WDHD1: variants seen among roughly 807,000 people sequenced by gnomAD.
WDHD1 encodes WD repeat and HMG-box DNA-binding protein 1.
A neutral mutation model predicts 135.4 loss-of-function variants in WDHD1; 111 were observed. The observed-to-expected ratio is 0.82, with a 90% CI of 0.70 to 0.96. The LOEUF is 0.96. Ranked by LOEUF, WDHD1 falls within the 40% of genes least tolerant of loss-of-function variation. The pLI, the probability that WDHD1 is intolerant of heterozygous loss-of-function variation, is 0.00. For synonymous variants in WDHD1, 434 were observed against 439.0 expected (o/e 0.99, Z 0.14); for missense variants, 1,351 against 1,336.3 (o/e 1.01, Z -0.17).
Position 55,002,079 on chromosome 14 carries a change from T to G in WDHD1, c.693+14A>C. ...CCTTATAGCCCACTGAAAGTGTCAC[T>G]TTGTAAAACCTACCTGAGAGATGAA... On this transcript the variant is annotated intron_variant, in intron 8 of 25. Coordinates refer to ENST00000360586, the MANE Select transcript of WDHD1 (RefSeq NM_007086.4). 4 of 1,586,840 alleles carry G rather than the reference T, an allele frequency of 2.5e-6. No homozygotes were observed. Among genetic ancestry groups the G allele is most frequent in the Non-Finnish European group, 3.4e-6 (4 of 1,162,488 alleles).
rs765025679 is a variant in WDHD1, at chr14:54,984,698, T to C, written c.1906+25A>G. On this transcript the variant is annotated intron_variant, in intron 15 of 25. Coordinates refer to ENST00000360586, the MANE Select transcript of WDHD1 (RefSeq NM_007086.4). The stretch of plus-strand genomic sequence containing the variant: ...TATCTAACACTTTATATTATACTTG[T>C]TTTTTTTAAACAAATTTATCTTGCC... 13 of 1,582,750 alleles carry C rather than the reference T, an allele frequency of 8.2e-6. No individual in the cohort carries two copies. In the South Asian group the frequency reaches 1.2e-4, roughly 14 times the overall value.
chr14:54,982,076 G>A (rs576526152), intron 15 of WDHD1, among the ~76,000 whole-genome samples: 2 of 151,498 alleles, frequency 1.3e-5, no homozygotes, highest in Non-Finnish European at 2.9e-5. Context: ...GCGCGATCTC[G>A]GCCCACTGCA....
Position 54,991,311 on chromosome 14 carries a change from T to A in WDHD1, c.1243A>T (p.Thr415Ser), listed in dbSNP as rs761267041. The A allele has an allele frequency of 6.2e-7, 1 of 1,614,158 alleles. No homozygotes were observed. Among genetic ancestry groups the A allele is most frequent in the Non-Finnish European group, 8.5e-7 (1 of 1,179,984 alleles). The change falls in exon 12 of 26, where the codon ACA (threonine) becomes TCA (serine). Residue 415 changes from threonine to serine, a missense_variant. Physicochemically the swap from Thr to Ser is moderately conservative, Grantham distance 58. Transcript: ENST00000360586. ...CCATCATAAAATGGCCTTTGGGATG[T>A]TACAAGTGGTAGATTGTGAATGCTG... ...EGSIHNLPLVTSQRPFYDGPM... is the reference protein window; with the variant it reads ...EGSIHNLPLVSSQRPFYDGPM...
intron 6 of WDHD1, among the ~76,000 whole-genome samples, chr14:55,007,693 A>G (rs1409948663): frequency 1.3e-5 from 2 of 152,208 alleles, no homozygotes; most frequent in African/African-American, 2.4e-5. Flanking sequence ...TAAAACTTCA[A>G]TGGTCTACTA....
At chr14:54,984,697 G>A (rs2041669752) in intron 15 of WDHD1, 26 bp downstream of exon 15, 2 of 1,581,696 alleles carry the variant, frequency 1.3e-6, no homozygotes, top group African/African-American at 1.4e-5. Context: ...TATTATACTT[G>A]TTTTTTTTAA....
Position 55,027,012 on chromosome 14 carries a change from C to T in WDHD1, c.-17+16G>A, listed in dbSNP as rs749293911. 1 of 538,728 alleles carries T rather than the reference C, an allele frequency of 1.9e-6. No individual in the cohort carries two copies. Among genetic ancestry groups the T allele is most frequent in the Non-Finnish European group, 3.3e-6 (1 of 299,334 alleles). The allele number at this position is 538,728 out of a possible 1,614,324, so 33.4% of individuals were successfully genotyped here. On this transcript the variant is annotated intron_variant, in intron 1 of 25. Transcript: ENST00000360586. ...CATCTCCTTGGTGGACGCGGGCAGC[C>T]GGAGTGGGGACTCACCCGGGTGACC...
At position 55,011,741 on chromosome 14, in the gene WDHD1, A is replaced by G. The variant is rs563114397; in HGVS notation, c.190-1281T>C. ...GAATCTCATTTTTTTTACTTATTGT[A>G]AACTTATTTTCAACTTATTATAAAT... On this transcript the variant is annotated intron_variant, in intron 3 of 25. Transcript: ENST00000360586. Among the ~76,000 whole-genome samples, 4 of 151,794 alleles carry G rather than the reference A, an allele frequency of 2.6e-5. No homozygotes were observed. The East Asian group carries it at 7.7e-4, about 29-fold the overall frequency.
rs573754212 is a variant in WDHD1 at position 54,972,902 on chromosome 14, A to G, written c.2064-5508T>C. Among the ~76,000 whole-genome samples, 6 of 152,342 alleles carry G rather than the reference A, an allele frequency of 3.9e-5. No individual in the cohort carries two copies. The South Asian group carries it at 1.2e-3, about 32-fold the overall frequency. On this transcript the variant is annotated intron_variant, in intron 16 of 25. Transcript: ENST00000360586. ...CTATAATCTATATCTACTCTGATAA[A>G]TATGGTAACAGGTCAACGGGGCAAA...
intron 2 of WDHD1, among the ~76,000 whole-genome samples, chr14:55,016,168 G>T (rs972054839): frequency 2.0e-5 from 3 of 152,130 alleles, no homozygotes; most frequent in African/African-American, 7.2e-5. Flanking sequence ...AGAGTAGTCT[G>T]AATGTTTTTC....
intron 24 of WDHD1, among the ~76,000 whole-genome samples, chr14:54,952,718 C>A (rs2041080777): frequency 6.6e-6 from 1 of 152,214 alleles, no homozygotes; most frequent in Non-Finnish European, 1.5e-5. Context: ...AAGCTGGAGG[C>A]ATCACGCTAC....
Position 54,987,372 on chromosome 14 carries a change from C to G in WDHD1, c.1542G>C (p.Leu514=). The G allele has an allele frequency of 6.2e-7, 1 of 1,612,862 alleles. No homozygotes were observed. Among genetic ancestry groups the G allele is most frequent in the Non-Finnish European group, 8.5e-7 (1 of 1,179,614 alleles). Residue 514 remains leucine (L), a synonymous_variant, in exon 14 of 26, where the codon CTG becomes CTC. Coordinates refer to ENST00000360586, the MANE Select transcript of WDHD1 (RefSeq NM_007086.4). ...TDELASKLHC[L]HFSSWDSSKE... The stretch of plus-strand genomic sequence containing the variant: ...TGCTTGAATCCCAAGAACTAAAGTG[C>G]AGGCAGTGAAGCTTGCTAAAAATTA...
chr14:55,013,628 G>A lies in WDHD1; in HGVS notation c.78-32C>T, dbSNP rs377629774. 192 of 1,535,718 alleles carry A rather than the reference G, an allele frequency of 1.3e-4. 3 individuals are homozygous for A. In the South Asian group the frequency reaches 1.5e-3, roughly 12 times the overall value. On this transcript the variant is annotated intron_variant, in intron 2 of 25. Transcript: ENST00000360586. Reference sequence around the variant, plus strand: ...AGAAAAGACACAAATTAAAGTCATCGGGCATGGTGTCTCATGCCTATAATG... The same window carrying A: ...AGAAAAGACACAAATTAAAGTCATCAGGCATGGTGTCTCATGCCTATAATG...
chr14:55,027,093 C>G lies in WDHD1; in HGVS notation c.-82G>C. On this transcript the variant is annotated 5_prime_UTR_variant, in exon 1 of 26. Coordinates refer to ENST00000360586, the MANE Select transcript of WDHD1 (RefSeq NM_007086.4). ...TGCTTCCCGCGCTTCGGCTCGCTCA[C>G]CACACTGCGCCTGCGCCGACCCGCC... is the stretch of plus-strand genomic sequence containing the variant. 2 of 369,606 alleles carry G rather than the reference C, an allele frequency of 5.4e-6. No individual in the cohort carries two copies. 22.9% of individuals were successfully genotyped at this position (369,606 alleles called of 1,614,324 possible). A position where few individuals can be genotyped will look rare whatever the true frequency, so the allele number is the denominator to read the frequency against.
chr14:55,010,008 G>A (rs1354998788), intron 4 of WDHD1, among the ~76,000 whole-genome samples: 3 of 151,374 alleles, frequency 2.0e-5, no homozygotes, highest in South Asian at 4.2e-4. Flanking sequence ...TAGTAGAGAC[G>A]GGGTTTTGCC....
At chr14:54,967,200 C>T (rs890779264) in intron 17 of WDHD1, 80 bp downstream of exon 17, 5 of 1,121,972 alleles carry the variant, frequency 4.5e-6, no homozygotes, top group Non-Finnish European at 6.6e-6. Flanking sequence ...CAATACTGGC[C>T]ATCAGGATAA....
chr14:54,984,811 C>T lies in WDHD1; in HGVS notation c.1818G>A (p.Leu606=). Residue 606 remains leucine (L), a synonymous_variant, in exon 15 of 26, where the codon CTG becomes CTA. Coordinates refer to ENST00000360586, the MANE Select transcript of WDHD1 (RefSeq NM_007086.4). Reference sequence around the variant, plus strand: ...GCAAAATTTGTTTTTTCTTTTTCCCCAGCTCTAGCAGTTGAACTCCAAGGC... The same window carrying T: ...GCAAAATTTGTTTTTTCTTTTTCCCTAGCTCTAGCAGTTGAACTCCAAGGC... The part of the protein sequence containing the change: ...DQCLGVQLLE[L]GKKKKQILHG... 2 of 1,613,472 alleles carry T rather than the reference C, an allele frequency of 1.2e-6. No individual in the cohort carries two copies. Among genetic ancestry groups the T allele is most frequent in the South Asian group, 1.1e-5 (1 of 90,982 alleles).
intron 17 of WDHD1, 85 bp downstream of exon 17, chr14:54,967,195 C>T (rs1031029360): frequency 4.1e-5 from 44 of 1,085,482 alleles, no homozygotes; most frequent in Non-Finnish European, 5.5e-5. Context: ...ATATTCAATA[C>T]TGGCCATCAG....
At chr14:54,950,661 C>T (rs911437331) in intron 24 of WDHD1, among the ~76,000 whole-genome samples, 3 of 152,168 alleles carry the variant, frequency 2.0e-5, no homozygotes, top group Non-Finnish European at 4.4e-5. Context: ...CAGACATCTA[C>T]GGAACTCTCC....
At chr14:55,012,680 C>A (rs1006029181) in intron 3 of WDHD1, among the ~76,000 whole-genome samples, 8 of 152,196 alleles carry the variant, frequency 5.3e-5, no homozygotes, top group African/African-American at 1.9e-4. Flanking sequence ...GAGGGGTTGG[C>A]ATCTGGCAAG....
Sources: gnomAD v4.1 joint callset for allele counts (sites outside exome capture counted in the v4.1 genomes callset) on GRCh38, gnomAD v4.1.1 for gene constraint, MANE v1.5 for transcripts, NCBI Gene and HGNC (gene_info 2026-07-23, HGNC 2026-07-21) for gene names.